Variants in CDH12 observed in about 807,000 individuals in gnomAD.
CDH12 encodes the protein cadherin-12.
CDH12 carries 41 observed loss-of-function variants against 74.1 expected under a neutral mutation model. The ratio of observed to expected loss-of-function variants is 0.55; its 90% confidence interval spans 0.43 to 0.72. The LOEUF (loss-of-function observed/expected upper bound fraction) is 0.72. Among genes scored for constraint, CDH12 ranks in the 30% least tolerant of loss-of-function variants. The pLI, the probability that CDH12 is intolerant of heterozygous loss-of-function variation, is 0.00. For missense variants in CDH12, 945 were observed against 977.2 expected, an observed-to-expected ratio of 0.97 and a Z score of 0.44; for synonymous variants, 399 against 355.0, an observed-to-expected ratio of 1.12 and a Z score of -1.39.
At chr5:22,561,646 T>C (rs1198053559) in intron 1 of CDH12, among the ~76,000 whole-genome samples, 2 of 152,210 alleles carry the variant, frequency 1.3e-5, no homozygotes, top group South Asian at 4.1e-4. Context: ...TTCAACTTTG[T>C]GTTAAGTGAG....
intron 1 of CDH12, among the ~76,000 whole-genome samples, chr5:22,632,593 T>C (rs930065628): frequency 2.6e-5 from 4 of 151,938 alleles, no homozygotes; most frequent in Admixed American, 6.6e-5. Flanking sequence ...TCCATGAACA[T>C]GAAGATAGGA....
chr5:22,102,137 C>T (rs775694550), intron 4 of CDH12, among the ~76,000 whole-genome samples: 47 of 152,128 alleles, frequency 3.1e-4, no homozygotes, highest in Admixed American at 1.1e-3. Flanking sequence ...CAGACTTTCC[C>T]CATCTTTAAA....
At chr5:22,319,098 C>T (rs1387167566) in intron 3 of CDH12, among the ~76,000 whole-genome samples, 1 of 152,066 alleles carries the variant, frequency 6.6e-6, no homozygotes, top group Non-Finnish European at 1.5e-5. Context: ...ACAACCACCA[C>T]AGAAAAATCA....
chr5:22,385,306 T>TTATC (rs1319665831), intron 3 of CDH12, among the ~76,000 whole-genome samples: 1 of 152,188 alleles, frequency 6.6e-6, no homozygotes, highest in East Asian at 1.9e-4. Context: ...TTCTAAATAG[T>TTATC]TATCCATATG....
At chr5:22,165,489 TACACATACACATACACACACACATACAC>T (rs1748626047) in intron 4 of CDH12, among the ~76,000 whole-genome samples, 1 of 69,744 alleles carries the variant, frequency 1.4e-5, no homozygotes, top group Non-Finnish European at 2.8e-5. Flanking sequence ...CACATACACA[TACACATACACATACACACACACATACAC>T]ACACACACAC....
At chr5:22,077,754 G>A (rs1043007078) in intron 5 of CDH12, among the ~76,000 whole-genome samples, 4 of 151,914 alleles carry the variant, frequency 2.6e-5, no homozygotes, top group African/African-American at 9.7e-5. Flanking sequence ...TTGCCACCGA[G>A]TATTTTGTGA....
intron 2 of CDH12, among the ~76,000 whole-genome samples, chr5:22,453,753 A>G (rs984974203): frequency 2.6e-5 from 4 of 152,190 alleles, no homozygotes; most frequent in African/African-American, 9.7e-5. Context: ...ACTGCAAAGA[A>G]TTGATAACTA....
At chr5:21,841,266 A>G (rs1272880362) in intron 8 of CDH12, among the ~76,000 whole-genome samples, 4 of 151,802 alleles carry the variant, frequency 2.6e-5, no homozygotes, top group Non-Finnish European at 4.4e-5. Context: ...AATGCTCACC[A>G]TCACTGGCCA....
At chr5:22,521,235 A>C (rs1737043157) in intron 1 of CDH12, among the ~76,000 whole-genome samples, 1 of 151,872 alleles carries the variant, frequency 6.6e-6, no homozygotes, top group Non-Finnish European at 1.5e-5. Context: ...AATCGAAATT[A>C]ATATTTTATT....
intron 8 of CDH12, among the ~76,000 whole-genome samples, chr5:21,841,136 A>G (rs1749822462): frequency 6.6e-6 from 1 of 152,200 alleles, no homozygotes; most frequent in Non-Finnish European, 1.5e-5. Flanking sequence ...TCCAGAATCT[A>G]CGATGAACTC....
chr5:22,633,225 A>G (rs984162314), intron 1 of CDH12, among the ~76,000 whole-genome samples: 1 of 152,220 alleles, frequency 6.6e-6, no homozygotes, highest in Non-Finnish European at 1.5e-5. Context: ...ATTAAAAGTC[A>G]CTGAATAATA....
intron 1 of CDH12, among the ~76,000 whole-genome samples, chr5:22,718,883 A>G (rs375755626): frequency 6.6e-6 from 1 of 152,174 alleles, no homozygotes; most frequent in East Asian, 1.9e-4. Context: ...AATGACTGGA[A>G]GCTCTGCATG....
At chr5:22,138,226 G>A (rs1382987645) in intron 4 of CDH12, among the ~76,000 whole-genome samples, 1 of 151,932 alleles carries the variant, frequency 6.6e-6, no homozygotes, top group Non-Finnish European at 1.5e-5. Context: ...ATGTATTTTA[G>A]TGTTGCAGCT....
intron 6 of CDH12, among the ~76,000 whole-genome samples, chr5:21,892,398 G>C (rs1752938301): frequency 6.6e-6 from 1 of 152,102 alleles, no homozygotes; most frequent in South Asian, 2.1e-4. Flanking sequence ...CTCTAGGGTA[G>C]GTGGTGGGTT....
chr5:22,107,467 C>T (rs971534551), intron 4 of CDH12, among the ~76,000 whole-genome samples: 50 of 52,532 alleles, frequency 9.5e-4, no homozygotes, highest in Admixed American at 8.4e-3. Context: ...TGTGTATATA[C>T]GTATATACAT....
At chr5:22,772,020 A>C (rs1746834334) in intron 1 of CDH12, among the ~76,000 whole-genome samples, 1 of 152,082 alleles carries the variant, frequency 6.6e-6, no homozygotes, top group South Asian at 2.1e-4. Flanking sequence ...GGGACACTCA[A>C]ATTAAACAGG....
At chr5:22,431,503 TTACTA>T (rs1744169995) in intron 2 of CDH12, among the ~76,000 whole-genome samples, 1 of 152,244 alleles carries the variant, frequency 6.6e-6, no homozygotes, top group African/African-American at 2.4e-5. Context: ...GCTTATGTAT[TTACTA>T]TACTATTCTT....
chr5:22,701,063 G>T (rs903834452), intron 1 of CDH12, among the ~76,000 whole-genome samples: 1 of 151,920 alleles, frequency 6.6e-6, no homozygotes, highest in Non-Finnish European at 1.5e-5. Context: ...TATACTCTTT[G>T]ATTGTTAATC....
chr5:21,841,915 G>A (rs1362680652), intron 8 of CDH12, among the ~76,000 whole-genome samples: 3 of 149,888 alleles, frequency 2.0e-5, no homozygotes, highest in Non-Finnish European at 4.4e-5. Flanking sequence ...GCTGGATGAC[G>A]AGTTAGTGGG....
Sources: gnomAD v4.1 joint callset for allele counts (sites outside exome capture counted in the v4.1 genomes callset) on GRCh38, gnomAD v4.1.1 for gene constraint, MANE v1.5 for transcripts, NCBI Gene and HGNC (gene_info 2026-07-23, HGNC 2026-07-21) for gene names.